Variants in COL6A6 observed in about 807,000 individuals in gnomAD.
The protein encoded by COL6A6 is collagen type VI alpha 6 chain, also known as collagen alpha-6(VI) chain.
A neutral mutation model predicts 208.6 loss-of-function variants in COL6A6; 183 were observed. The observed-to-expected ratio is 0.88, with a 90% CI of 0.78 to 0.99. COL6A6 has a LOEUF of 0.99. Among genes scored for constraint, COL6A6 ranks in the 50% least tolerant of loss-of-function variants. The pLI is 0.00. For missense variants in COL6A6, 2,816 were observed against 2,815.2 expected (o/e 1.00, Z -0.01); for synonymous variants, 973 against 1,011.8 (o/e 0.96, Z 0.73).
At chr3:130,604,595 C>A (rs1412903368) in intron 20 of COL6A6, among the ~76,000 whole-genome samples, 3 of 151,968 alleles carry the variant, frequency 2.0e-5, no homozygotes, top group Non-Finnish European at 1.5e-5. Flanking sequence ...GGATTAAAGT[C>A]TTTCTCATCC....
At chr3:130,658,651 T>C (rs1436558040) in intron 33 of COL6A6, 25 bp from the exon 34 acceptor site, 2 of 1,559,114 alleles carry the variant, frequency 1.3e-6, no homozygotes, top group African/African-American at 2.7e-5. Context: ...CACTAAGTTC[T>C]TTCTGCTGCT....
intron 20 of COL6A6, among the ~76,000 whole-genome samples, chr3:130,605,147 C>G (rs2064145818): frequency 6.6e-6 from 1 of 152,226 alleles, no homozygotes; most frequent in African/African-American, 2.4e-5. Context: ...GATACATCCT[C>G]TGCCTGTAGG....
Position 130,649,214 on chromosome 3 carries a change from C to A in COL6A6, c.5385C>A (p.Pro1795=). Residue 1795 remains proline (P), a synonymous_variant, in exon 33 of 37, where the codon CCC becomes CCA. Transcript: ENST00000358511. ...TTAAGGTCCGGGAGAACAGCTGCCC[C>A]GTGGGAGCGCACATCGCCATCCTCT... ...RDIKVRENSC[P]VGAHIAILSY... is the part of the protein sequence containing the mutation. The A allele has an allele frequency of 6.3e-7, 1 of 1,591,644 alleles. No individual in the cohort carries two copies. Among genetic ancestry groups the A allele is most frequent in the East Asian group, 2.3e-5 (1 of 43,796 alleles).
Position 130,570,963 on chromosome 3 carries a change from G to A in COL6A6, c.2547G>A (p.Gly849=). 5 of 1,614,008 alleles carry A rather than the reference G, an allele frequency of 3.1e-6. No homozygotes were observed. Among genetic ancestry groups the A allele is most frequent in the Non-Finnish European group, 4.2e-6 (5 of 1,179,900 alleles). Residue 849 remains glycine (G), a synonymous_variant, in exon 7 of 37, where the codon GGG becomes GGA. Coordinates refer to ENST00000358511, the MANE Select transcript of COL6A6 (RefSeq NM_001102608.3). Reference sequence around the variant, plus strand: ...TGGGCAAGAATCAGGTCCGGTTTGGGGCTCTGAAGTATGCTGATGACCCAG... The same window carrying A: ...TGGGCAAGAATCAGGTCCGGTTTGGAGCTCTGAAGTATGCTGATGACCCAG... ...ADVGKNQVRF[G]ALKYADDPEV...
In COL6A6 at chr3:130,574,841, A is replaced by G. The variant is rs75832973; in HGVS notation, c.3547+316A>G. Among the ~76,000 whole-genome samples, 36 of 152,320 alleles carry G rather than the reference A, an allele frequency of 2.4e-4. No individual in the cohort carries two copies. The East Asian group carries it at 6.6e-3, about 28-fold the overall frequency. On this transcript the variant is annotated intron_variant, in intron 8 of 36. Transcript: ENST00000358511. The stretch of plus-strand genomic sequence containing the variant: ...GGCTGGTTTCAGAGGTTGAAGAGCA[A>G]TGCCTCAAAGAAAGGAAATATTTGA...
chr3:130,539,387 G>A (rs2062301738), intron 1 of COL6A6, among the ~76,000 whole-genome samples: 1 of 152,230 alleles, frequency 6.6e-6, no homozygotes, highest in Non-Finnish European at 1.5e-5. Context: ...TGTAATCCCA[G>A]CACTTCGGGA....
chr3:130,602,876 T>C (rs2064067590), intron 20 of COL6A6, among the ~76,000 whole-genome samples: 1 of 152,194 alleles, frequency 6.6e-6, no homozygotes, highest in Admixed American at 6.5e-5. Flanking sequence ...TATTCAAATA[T>C]TTTTTAAATC....
At chr3:130,543,529 T>G (rs2062423490) in intron 1 of COL6A6, among the ~76,000 whole-genome samples, 1 of 152,220 alleles carries the variant, frequency 6.6e-6, no homozygotes, top group South Asian at 2.1e-4. Context: ...TACGCTGTTT[T>G]TAATGGTTGC....
chr3:130,545,504 A>G (rs2062472131), intron 1 of COL6A6, among the ~76,000 whole-genome samples: 1 of 142,034 alleles, frequency 7.0e-6, no homozygotes, highest in Admixed American at 7.3e-5. Context: ...CCCAGGCTGG[A>G]GTGCAGTGGC....
At chr3:130,591,237 T>G (rs1468965847) in intron 13 of COL6A6, 143 bp downstream of exon 13, 1 of 734,078 alleles carries the variant, frequency 1.4e-6, no homozygotes, top group Non-Finnish European at 2.4e-6. Flanking sequence ...TTGTCCTCAT[T>G]GTGCTTTGCT....
Position 130,574,254 on chromosome 3 carries a change from A to G in COL6A6, c.3276A>G (p.Pro1092=), listed in dbSNP as rs374018129. The change falls in exon 8 of 37, where the codon CCA becomes CCG. Residue 1092 remains proline (P), a synonymous_variant. Coordinates refer to ENST00000358511, the MANE Select transcript of COL6A6 (RefSeq NM_001102608.3). The part of the protein sequence containing the change: ...ALREVEHYFR[P]DMGSRINTGT... ...GGGAGGTGGAACATTACTTCAGGCCAGACATGGGCAGCAGGATAAATACAG... is the reference window on the plus strand; with the variant it reads ...GGGAGGTGGAACATTACTTCAGGCCGGACATGGGCAGCAGGATAAATACAG... 6.2e-7 allele frequency: 1 copy of G among 1,614,004 alleles called. No individual in the cohort carries two copies.
intron 1 of COL6A6, among the ~76,000 whole-genome samples, chr3:130,545,371 C>T (rs1370295758): frequency 6.6e-6 from 1 of 151,806 alleles, no homozygotes; most frequent in African/African-American, 2.4e-5. Flanking sequence ...TTCAAACTTT[C>T]ATGATTTCTG....
Position 130,594,336 on chromosome 3 carries a change from G to A in COL6A6, c.4526G>A (p.Gly1509Glu), listed in dbSNP as rs2063793835. The A allele has an allele frequency of 6.2e-7, 1 of 1,613,052 alleles. No homozygotes were observed. The highest frequency in any genetic ancestry group is 1.3e-5 in the African/African-American group (1 of 74,954). The change falls in exon 18 of 37, where the codon GGG (glycine) becomes GAG (glutamate). Residue 1509 changes from glycine to glutamate, a missense_variant. Gly to Glu is a moderately conservative substitution (Grantham distance 98). Coordinates refer to ENST00000358511, the MANE Select transcript of COL6A6 (RefSeq NM_001102608.3). The stretch of plus-strand genomic sequence containing the variant: ...GACCGTGGAGCAAAGGGCCTGCGAG[G>A]GGATCCCGTAAGTGCACGGGCTGCA... ...PGDRGAKGLRGDPGAPGVDSS... is the reference protein window; with the variant it reads ...PGDRGAKGLREDPGAPGVDSS...
At chr3:130,522,358 AG>A (rs749194815) in intron 1 of COL6A6, among the ~76,000 whole-genome samples, 5 of 152,338 alleles carry the variant, frequency 3.3e-5, no homozygotes, top group Admixed American at 6.5e-5. Flanking sequence ...CAGAACAATG[AG>A]GGTTTAGTGT....
intron 32 of COL6A6, 72 bp downstream of exon 32, chr3:130,645,074 A>C: frequency 6.9e-7 from 1 of 1,443,632 alleles, no homozygotes; most frequent in Non-Finnish European, 9.8e-7. Context: ...GATGAGTTAG[A>C]GCAATGTATT....
intron 20 of COL6A6, among the ~76,000 whole-genome samples, chr3:130,605,712 G>A (rs911865335): frequency 4.6e-5 from 7 of 152,042 alleles, no homozygotes; most frequent in African/African-American, 1.4e-4. Flanking sequence ...CCATTTTCAC[G>A]CTTCTGAGAA....
Position 130,608,645 on chromosome 3 carries a change from T to C in COL6A6, c.4690-257T>C, listed in dbSNP as rs187994447. ...TTATAAGAAAGGGGTGGGGGCTGCA[T>C]GTGTGCATGCATGCATATATATAAA... On this transcript the variant is annotated intron_variant, in intron 21 of 36. Transcript: ENST00000358511. Among the ~76,000 whole-genome samples the C allele has an allele frequency of 2.0e-4, 30 of 152,132 alleles. No individual in the cohort carries two copies. The East Asian group carries it at 3.5e-3, about 18-fold the overall frequency.
intron 18 of COL6A6, among the ~76,000 whole-genome samples, chr3:130,596,985 C>T (rs926563076): frequency 2.0e-5 from 3 of 152,124 alleles, no homozygotes; most frequent in African/African-American, 4.8e-5. Context: ...AAGACTAAAT[C>T]GGTTCAGATT....
intron 1 of COL6A6, among the ~76,000 whole-genome samples, chr3:130,544,554 G>T (rs2062447511): frequency 6.6e-6 from 1 of 152,194 alleles, no homozygotes; most frequent in Non-Finnish European, 1.5e-5. Context: ...CCAGAAGAGG[G>T]ATGCAGGGAT....
Sources: gnomAD v4.1 joint callset for allele counts (sites outside exome capture counted in the v4.1 genomes callset) on GRCh38, gnomAD v4.1.1 for gene constraint, MANE v1.5 for transcripts, NCBI Gene and HGNC (gene_info 2026-07-23, HGNC 2026-07-21) for gene names.